Variants in RCAN2 observed in about 807,000 individuals in gnomAD.
The protein encoded by RCAN2 is regulator of calcineurin 2.
RCAN2 carries 9 observed loss-of-function variants against 23.6 expected under a neutral mutation model. That is an observed-to-expected ratio of 0.38 (90% CI 0.23 to 0.67). The LOEUF is 0.67. RCAN2 is among the 30% of genes least tolerant of loss of function. The probability of loss-of-function intolerance (pLI) is 0.51; values close to 1 mark genes in which losing one functional copy is unlikely to be tolerated. For missense variants in RCAN2, 273 were observed against 302.3 expected, an observed-to-expected ratio of 0.90 and a Z score of 0.72; for synonymous variants, 109 against 115.7, an observed-to-expected ratio of 0.94 and a Z score of 0.37.
chr6:46,314,906 C>T (rs989594140), intron 2 of RCAN2, among the ~76,000 whole-genome samples: 5 of 152,072 alleles, frequency 3.3e-5, no homozygotes, highest in Non-Finnish European at 7.4e-5. Flanking sequence ...ACAAAAAATA[C>T]AAAAGTTAGC....
intron 2 of RCAN2, among the ~76,000 whole-genome samples, chr6:46,443,816 T>C (rs1767621563): frequency 6.6e-6 from 1 of 152,240 alleles, no homozygotes. Flanking sequence ...TGTGCTGATG[T>C]ACAGCCAACT....
At position 46,324,780 on chromosome 6, in the gene RCAN2, G is replaced by T. The variant is rs1247122061; in HGVS notation, c.226-75884C>A. Among the ~76,000 whole-genome samples, 44 of 152,234 alleles carry T rather than the reference G, an allele frequency of 2.9e-4. 2 individuals are homozygous for T. Among genetic ancestry groups the T allele is most frequent in the Admixed American group, 2.9e-3 (44 of 15,286 alleles). On this transcript the variant is annotated intron_variant, in intron 2 of 4. Transcript: ENST00000371374. ...CATGTATAATACTAAGCCTTAAGAT[G>T]CGAAATATTTATGCCTAAACTTTAT...
Position 46,488,891 on chromosome 6 carries a change from G to A in RCAN2, c.-3+2282C>T, listed in dbSNP as rs544499687. Among the ~76,000 whole-genome samples the A allele has an allele frequency of 3.3e-5, 5 of 152,120 alleles. No homozygotes were observed. In the East Asian group the frequency reaches 9.7e-4, roughly 29 times the overall value. On this transcript the variant is annotated intron_variant, in intron 1 of 4. Coordinates refer to ENST00000371374, the MANE Select transcript of RCAN2 (RefSeq NM_001251974.2). ...GTTTTCTGGTTTTTGTTTTGTTTTGGTCTGTGCCACTCCAATGGTCTAAAG... is the reference window on the plus strand; with the variant it reads ...GTTTTCTGGTTTTTGTTTTGTTTTGATCTGTGCCACTCCAATGGTCTAAAG...
intron 1 of RCAN2, among the ~76,000 whole-genome samples, chr6:46,479,555 A>C: frequency 6.8e-6 from 1 of 146,400 alleles, no homozygotes. Context: ...TGCTCCCACT[A>C]CCTGCCGTGC....
chr6:46,455,290 T>C (rs991007314), intron 2 of RCAN2, among the ~76,000 whole-genome samples: 3 of 152,204 alleles, frequency 2.0e-5, no homozygotes, highest in African/African-American at 7.2e-5. Context: ...TTTCAAGCTA[T>C]TTTCAGCCCA....
intron 2 of RCAN2, among the ~76,000 whole-genome samples, chr6:46,324,296 A>G (rs1763719676): frequency 6.6e-6 from 1 of 152,252 alleles, no homozygotes; most frequent in African/African-American, 2.4e-5. Flanking sequence ...ATTCAGGAAC[A>G]AAATGCCAGA....
chr6:46,389,738 G>A (rs901239629), intron 2 of RCAN2, among the ~76,000 whole-genome samples: 6 of 152,102 alleles, frequency 3.9e-5, no homozygotes, highest in African/African-American at 9.7e-5. Context: ...CTTATAGCCC[G>A]CTTGAGGCTG....
chr6:46,263,483 G>A (rs568861023), intron 2 of RCAN2, among the ~76,000 whole-genome samples: 91 of 146,252 alleles, frequency 6.2e-4, no homozygotes, highest in African/African-American at 1.5e-3. Context: ...GTATGTGTGT[G>A]TGTGTGTGTG....
chr6:46,403,029 A>G (rs1234013730), intron 2 of RCAN2, among the ~76,000 whole-genome samples: 1 of 151,140 alleles, frequency 6.6e-6, no homozygotes, highest in East Asian at 2.0e-4. Context: ...CAGTAGCGCG[A>G]TCTTGGCTCA....
intron 2 of RCAN2, among the ~76,000 whole-genome samples, chr6:46,427,449 A>G (rs887947856): frequency 9.2e-5 from 14 of 152,344 alleles, no homozygotes; most frequent in Admixed American, 9.2e-4. Context: ...TTAAAGTTAA[A>G]TAAGATTATA....
chr6:46,489,284 C>A (rs183272490), intron 1 of RCAN2, among the ~76,000 whole-genome samples: 1 of 152,342 alleles, frequency 6.6e-6, no homozygotes, highest in Admixed American at 6.5e-5. Context: ...AAACTTGTTT[C>A]TGTCTTCATT....
intron 2 of RCAN2, among the ~76,000 whole-genome samples, chr6:46,377,796 G>C (rs1314864784): frequency 2.6e-5 from 4 of 152,138 alleles, no homozygotes; most frequent in Admixed American, 1.3e-4. Flanking sequence ...TACTAATTCA[G>C]AGCATGAAAT....
intron 2 of RCAN2, among the ~76,000 whole-genome samples, chr6:46,338,794 C>T (rs1422556140): frequency 1.3e-5 from 2 of 152,032 alleles, no homozygotes; most frequent in Non-Finnish European, 2.9e-5. Flanking sequence ...GGGTGGATCA[C>T]TTGAGGCCAG....
chr6:46,404,242 T>C (rs1355003732), intron 2 of RCAN2, among the ~76,000 whole-genome samples: 1 of 151,976 alleles, frequency 6.6e-6, no homozygotes, highest in Non-Finnish European at 1.5e-5. Context: ...AGAGGTGATT[T>C]TGGAAGAGGG....
chr6:46,374,415 T>G (rs1765405594), intron 2 of RCAN2, among the ~76,000 whole-genome samples: 1 of 152,222 alleles, frequency 6.6e-6, no homozygotes, highest in African/African-American at 2.4e-5. Flanking sequence ...GCTCCAGCTC[T>G]CAAACAGAAA....
At chr6:46,299,789 A>C (rs1451813260) in intron 2 of RCAN2, among the ~76,000 whole-genome samples, 1 of 151,784 alleles carries the variant, frequency 6.6e-6, no homozygotes, top group Non-Finnish European at 1.5e-5. Flanking sequence ...AATAAATATA[A>C]AAGTTCTTAT....
At chr6:46,286,250 G>C (rs570437144) in intron 2 of RCAN2, among the ~76,000 whole-genome samples, 1 of 152,146 alleles carries the variant, frequency 6.6e-6, no homozygotes, top group East Asian at 1.9e-4. Context: ...ACCCAATCTG[G>C]CTGTTTCTGC....
At chr6:46,488,634 T>G (rs1166448495) in intron 1 of RCAN2, among the ~76,000 whole-genome samples, 2 of 152,192 alleles carry the variant, frequency 1.3e-5, no homozygotes, top group Non-Finnish European at 2.9e-5. Flanking sequence ...AAAATAAAAG[T>G]GCCTACTGAA....
chr6:46,322,355 C>G (rs553559774), intron 2 of RCAN2, among the ~76,000 whole-genome samples: 2 of 152,324 alleles, frequency 1.3e-5, no homozygotes, highest in Admixed American at 1.3e-4. Context: ...ACAACACCAC[C>G]AATGGAATTT....
Sources: gnomAD v4.1 joint callset for allele counts (sites outside exome capture counted in the v4.1 genomes callset) on GRCh38, gnomAD v4.1.1 for gene constraint, MANE v1.5 for transcripts, NCBI Gene and HGNC (gene_info 2026-07-23, HGNC 2026-07-21) for gene names.